RYR2: variants seen among roughly 807,000 people sequenced by gnomAD.
RYR2 encodes the protein cardiac muscle ryanodine receptor-calcium release channel.
RYR2 carries 227 observed loss-of-function variants against 601.1 expected under a neutral mutation model. That is an observed-to-expected ratio of 0.38 (90% CI 0.34 to 0.42). RYR2 has a LOEUF of 0.42. Among genes scored for constraint, RYR2 ranks in the 10% least tolerant of loss-of-function variants. The probability of loss-of-function intolerance (pLI) is 1.00; values close to 1 mark genes in which losing one functional copy is unlikely to be tolerated. For synonymous variants in RYR2, 2,223 were observed against 2,175.1 expected (o/e 1.02, Z -0.61); for missense variants, 4,646 against 6,156.5 (o/e 0.75, Z 8.21).
chr1:237,404,386 T>A (rs1703671529), intron 10 of RYR2, among the ~76,000 whole-genome samples: 1 of 152,208 alleles, frequency 6.6e-6, no homozygotes, highest in Non-Finnish European at 1.5e-5. Context: ...TAGATCCTGT[T>A]ATAATAAGCC....
intron 1 of RYR2, among the ~76,000 whole-genome samples, chr1:237,212,957 A>G (rs914007009): frequency 6.6e-5 from 10 of 151,886 alleles, no homozygotes; most frequent in Non-Finnish European, 1.3e-4. Flanking sequence ...TTTTTAGTAG[A>G]GACAGGGTTT....
intron 29 of RYR2, among the ~76,000 whole-genome samples, chr1:237,573,425 A>G (rs763780630): frequency 6.6e-6 from 1 of 151,664 alleles, no homozygotes; most frequent in South Asian, 2.1e-4. Flanking sequence ...AGTTGTTTCT[A>G]TATACCGTCA....
intron 45 of RYR2, 125 bp from the exon 46 acceptor site, chr1:237,638,890 G>T: frequency 8.8e-7 from 1 of 1,136,774 alleles, no homozygotes; most frequent in Non-Finnish European, 1.3e-6. Context: ...TTACATTTTG[G>T]CTTTATTAGT....
intron 3 of RYR2, among the ~76,000 whole-genome samples, chr1:237,346,266 CT>C (rs1698300257): frequency 6.6e-6 from 1 of 150,820 alleles, no homozygotes; most frequent in East Asian, 2.0e-4. Context: ...ACCTGGAAGG[CT>C]GAGAGGTGGG....
chr1:237,635,072 G>T (rs770611020), intron 44 of RYR2, 80 bp downstream of exon 44: 328 of 1,142,510 alleles, frequency 2.9e-4, no homozygotes, highest in Non-Finnish European at 3.6e-4. Flanking sequence ...TATAAGTAAG[G>T]TTGGTGCAGA....
At chr1:237,778,638 A>G in intron 87 of RYR2, 28 bp from the exon 88 acceptor site, 1 of 1,213,010 alleles carries the variant, frequency 8.2e-7, no homozygotes, top group Non-Finnish European at 1.2e-6. Context: ...TATGAGGAAT[A>G]ATTGCCGTTT....
chr1:237,523,487 C>T (rs1384404997), intron 24 of RYR2, among the ~76,000 whole-genome samples: 1 of 152,104 alleles, frequency 6.6e-6, no homozygotes, highest in Non-Finnish European at 1.5e-5. Context: ...ATAATTCCAG[C>T]ACTTTGGGAG....
intron 61 of RYR2, 144 bp downstream of exon 61, chr1:237,678,256 G>T: frequency 1.7e-6 from 1 of 582,548 alleles, no homozygotes; most frequent in Non-Finnish European, 3.1e-6. Flanking sequence ...GAAAATAACT[G>T]CATGAATCAT....
chr1:237,630,508 A>G (rs1225596233), intron 41 of RYR2, among the ~76,000 whole-genome samples: 1 of 152,158 alleles, frequency 6.6e-6, no homozygotes, highest in African/African-American at 2.4e-5. Context: ...CAGAGTAACT[A>G]AAGTTTTGCA....
chr1:237,508,806 G>A (rs1572649058), intron 23 of RYR2, among the ~76,000 whole-genome samples: 1 of 136,378 alleles, frequency 7.3e-6, no homozygotes, highest in East Asian at 2.2e-4. Context: ...GCAGTGGCGG[G>A]ATCTCGGCTC....
At chr1:237,650,999 G>C (rs1188861440) in intron 50 of RYR2, among the ~76,000 whole-genome samples, 1 of 152,160 alleles carries the variant, frequency 6.6e-6, no homozygotes, top group African/African-American at 2.4e-5. Flanking sequence ...CAAATTTGCT[G>C]TCTCAGCCTT....
chr1:237,593,703 T>A, intron 33 of RYR2, 67 bp downstream of exon 33: 2 of 1,484,182 alleles, frequency 1.3e-6, no homozygotes, highest in Non-Finnish European at 1.9e-6. Flanking sequence ...TAGCTATTCC[T>A]TTTCCTTGTA....
intron 12 of RYR2, among the ~76,000 whole-genome samples, chr1:237,440,966 T>C (rs889395822): frequency 2.0e-5 from 3 of 149,424 alleles, no homozygotes; most frequent in Admixed American, 6.8e-5. Context: ...AATCTCTCTG[T>C]CCCCCAAATC....
rs1658500626 is a variant in RYR2 at position 237,792,368 on chromosome 1, T to TGCGCGC, written c.13782+46_13782+47insCGCGCG. On this transcript the variant is annotated intron_variant, in intron 94 of 104. Transcript: ENST00000366574. ...AGGTACCTGTGTGTGTGTGTGTGTGTGTGTGTGTGTGTGCGTGTGTGTGTG... is the reference window on the plus strand; with the variant it reads ...AGGTACCTGTGTGTGTGTGTGTGTGTGCGCGCGTGTGTGTGTGTGCGTGTGTGTGTG... The TGCGCGC allele has an allele frequency of 4.3e-6, 4 of 928,554 alleles. No homozygotes were observed. The African/African-American group carries it at 6.9e-5, about 16-fold the overall frequency. 57.5% of individuals were successfully genotyped at this position (928,554 alleles called of 1,614,324 possible). A position where few individuals can be genotyped will look rare whatever the true frequency, so the allele number is the denominator to read the frequency against.
chr1:237,804,275 C>T (rs1438507695), intron 98 of RYR2, among the ~76,000 whole-genome samples: 1 of 122,554 alleles, frequency 8.2e-6, no homozygotes, highest in Admixed American at 8.4e-5. Context: ...CCACTCAAAC[C>T]AAATTTTCCT....
At chr1:237,480,737 T>G (rs1661970255) in intron 17 of RYR2, among the ~76,000 whole-genome samples, 1 of 152,194 alleles carries the variant, frequency 6.6e-6, no homozygotes, top group Non-Finnish European at 1.5e-5. Context: ...TGACTCATAT[T>G]CATCTTTTCT....
rs2148649453 is a variant in RYR2, at chr1:237,623,852, G to A, written c.6004G>A (p.Asp2002Asn). 6.2e-7 allele frequency: 1 copy of A among 1,609,622 alleles called. No homozygotes were observed. The change falls in exon 39 of 105, where the codon GAT (aspartate) becomes AAT (asparagine). Residue 2002 changes from aspartate (D) to asparagine (N), a missense_variant. By Grantham distance (23) the Asp-to-Asn change is conservative. Transcript: ENST00000366574. ...TGACCAACTATTGGATTTCCATGAAGATTTGATGACACATTGTGGTAAGGT... is the reference window on the plus strand; with the variant it reads ...TGACCAACTATTGGATTTCCATGAAAATTTGATGACACATTGTGGTAAGGT... ...IRDQLLDFHE[D>N]LMTHCGIELD... is the part of the protein sequence containing the mutation.
chr1:237,478,107 A>T (rs1220722679), intron 17 of RYR2, among the ~76,000 whole-genome samples: 1 of 123,818 alleles, frequency 8.1e-6, no homozygotes, highest in Non-Finnish European at 1.8e-5. Flanking sequence ...AAAGTTTCCT[A>T]CTATTTCATT....
intron 2 of RYR2, among the ~76,000 whole-genome samples, chr1:237,284,685 C>CACACACAT: frequency 6.7e-6 from 1 of 148,996 alleles, no homozygotes; most frequent in Non-Finnish European, 1.5e-5. Context: ...TATATATGTA[C>CACACACAT]ACACACACAC....
Sources: allele counts gnomAD v4.1 joint callset (sites outside exome capture counted in the v4.1 genomes callset), GRCh38; gene constraint gnomAD v4.1.1; transcripts MANE v1.5; gene names NCBI Gene and HGNC (gene_info 2026-07-23, HGNC 2026-07-21).